Variants in RASA3 observed in about 807,000 individuals in gnomAD.
The protein encoded by RASA3 is ras GTPase-activating protein 3.
Under a neutral mutation model 110.0 loss-of-function variants are expected in RASA3, and 73 were observed. The ratio of observed to expected loss-of-function variants is 0.66; its 90% CI spans 0.55 to 0.81. The LOEUF (loss-of-function observed/expected upper bound fraction) is 0.81. Ranked by LOEUF, RASA3 falls within the 30% of genes least tolerant of loss-of-function variation. The probability of loss-of-function intolerance (pLI) is 0.00; values close to 1 mark genes in which losing one functional copy is unlikely to be tolerated. For missense variants in RASA3, 976 were observed against 1,113.2 expected (o/e 0.88, Z 1.75); for synonymous variants, 500 against 451.4 (o/e 1.11, Z -1.37).
At position 114,122,028 on chromosome 13, in the gene RASA3, G is replaced by A. The variant is rs534036064; in HGVS notation, c.55+10407C>T. ...CCTAAACTAATGAAGATTCCAGTCCGTGGGGCCCACCGCAAATCCCAGAAT... is the reference window on the plus strand; with the variant it reads ...CCTAAACTAATGAAGATTCCAGTCCATGGGGCCCACCGCAAATCCCAGAAT... On this transcript the variant is annotated intron_variant, in intron 1 of 23. Coordinates refer to ENST00000334062, the MANE Select transcript of RASA3 (RefSeq NM_007368.4). Among the ~76,000 whole-genome samples the A allele has an allele frequency of 9.2e-5, 14 of 152,352 alleles. No individual in the cohort carries two copies. The East Asian group carries it at 1.2e-3, about 13-fold the overall frequency.
intron 1 of RASA3, among the ~76,000 whole-genome samples, chr13:114,081,364 G>T (rs1479141902): frequency 1.3e-5 from 2 of 152,190 alleles, no homozygotes; most frequent in East Asian, 3.9e-4. Context: ...GTCTCCCGAT[G>T]CAGTATAACT....
chr13:114,067,831 C>T (rs1180345808), intron 2 of RASA3, among the ~76,000 whole-genome samples: 1 of 152,186 alleles, frequency 6.6e-6, no homozygotes, highest in Non-Finnish European at 1.5e-5. Context: ...GAAGACCCAG[C>T]TCTCCTCGCT....
intron 2 of RASA3, among the ~76,000 whole-genome samples, chr13:114,067,436 T>C (rs2079475042): frequency 6.6e-6 from 1 of 152,208 alleles, no homozygotes; most frequent in Admixed American, 6.5e-5. Flanking sequence ...TTTTCATGAG[T>C]CGCCTAATGT....
At chr13:114,032,811 C>CT (rs564271356) in intron 4 of RASA3, among the ~76,000 whole-genome samples, 28 of 65,080 alleles carry the variant, frequency 4.3e-4, no homozygotes, top group African/African-American at 1.3e-3. Context: ...CACCCCCACA[C>CT]TGACACCACG....
chr13:114,105,578 G>C (rs1339739908), intron 1 of RASA3, among the ~76,000 whole-genome samples: 1 of 152,154 alleles, frequency 6.6e-6, no homozygotes, highest in Admixed American at 6.5e-5. Context: ...CCTCCTGCCT[G>C]ACAAGGCCAC....
rs1350371340 is a variant in RASA3 at position 114,056,797 on chromosome 13, G to A, written c.174-4642C>T. The A allele has an allele frequency of 1.7e-6, 1 of 582,404 alleles. No homozygotes were observed. Among genetic ancestry groups the A allele is most frequent in the Non-Finnish European group, 2.2e-6 (1 of 461,516 alleles). The allele number at this position is 582,404 out of a possible 1,614,324, so 36.1% of individuals were successfully genotyped here. On this transcript the variant is annotated intron_variant, in intron 2 of 23. Coordinates refer to ENST00000334062, the MANE Select transcript of RASA3 (RefSeq NM_007368.4). This position sits in a 1 kb window ranked among gnomAD's most constrained non-coding sequence, Gnocchi z 5.7. The stretch of plus-strand genomic sequence containing the variant: ...AAAATTATCACCACAGACTGGACGT[G>A]CCCCTTTCTAAATGTAAAAGCGGTT...
At chr13:114,123,160 C>T (rs901389772) in intron 1 of RASA3, among the ~76,000 whole-genome samples, 4 of 152,198 alleles carry the variant, frequency 2.6e-5, no homozygotes, top group African/African-American at 9.6e-5. Flanking sequence ...GTGTCCTGCA[C>T]AGTCACCACC....
intron 18 of RASA3, among the ~76,000 whole-genome samples, chr13:114,001,338 T>C (rs1457907626): frequency 3.7e-5 from 4 of 108,042 alleles, no homozygotes; most frequent in Admixed American, 9.4e-5. Context: ...GGGATCAGGG[T>C]GGGCAGTGGA....
At chr13:114,016,431 G>A (rs753170336) in intron 12 of RASA3, among the ~76,000 whole-genome samples, 160 bp from the exon 13 acceptor site, 1 of 152,168 alleles carries the variant, frequency 6.6e-6, no homozygotes, top group Non-Finnish European at 1.5e-5. Flanking sequence ...GGAGGGGCAC[G>A]GTGAGGCCGG....
At chr13:114,126,679 A>T (rs1025823679) in intron 1 of RASA3, among the ~76,000 whole-genome samples, 1 of 152,248 alleles carries the variant, frequency 6.6e-6, no homozygotes, top group African/African-American at 2.4e-5. Context: ...AGTCCAGTTC[A>T]TTACAGACGA....
rs1214831976 is a variant in RASA3, at chr13:114,035,644, C to G, written c.372+5356G>C. 5 of 152,764 alleles carry G rather than the reference C, an allele frequency of 3.3e-5. No individual in the cohort carries two copies. The East Asian group carries it at 9.6e-4, about 29-fold the overall frequency. The allele number at this position is 152,764 out of a possible 1,614,324, so 9.5% of individuals were successfully genotyped here. A position where few individuals can be genotyped will look rare whatever the true frequency, so the allele number is the denominator to read the frequency against. On this transcript the variant is annotated intron_variant, in intron 4 of 23. Coordinates refer to ENST00000334062, the MANE Select transcript of RASA3 (RefSeq NM_007368.4). The stretch of plus-strand genomic sequence containing the variant: ...CACCCACCGGTTGCCGTGTCCCCCA[C>G]TGAGCGGGCAGCGGCCCAGAGAGCA...
At position 114,009,411 on chromosome 13, in the gene RASA3, C is replaced by T. The variant is rs781764588; in HGVS notation, c.1644G>A (p.Gln548=). ...CGTTCTTCACCGCATCAGCATATTTCTGCTCATTGAAGAATTCATAAAATG... is the reference window on the plus strand; with the variant it reads ...CGTTCTTCACCGCATCAGCATATTTTTGCTCATTGAAGAATTCATAAAATG... The part of the protein sequence containing the change: ...MATFYEFFNE[Q]KYADAVKNFL... The change falls in exon 17 of 24, where the codon CAG becomes CAA. Residue 548 remains glutamine (Q), a synonymous_variant. Transcript: ENST00000334062. 13 of 1,612,532 alleles carry T rather than the reference C, an allele frequency of 8.1e-6. No homozygotes were observed. The Middle Eastern group carries it at 1.2e-3, about 143-fold the overall frequency.
intron 4 of RASA3, among the ~76,000 whole-genome samples, chr13:114,032,927 C>G (rs2054200400): frequency 8.7e-6 from 1 of 114,616 alleles, no homozygotes; most frequent in Admixed American, 8.6e-5. Context: ...AGCACCCCCA[C>G]ACTTGACACC....
At chr13:114,023,403 C>T (rs1343752125) in intron 8 of RASA3, among the ~76,000 whole-genome samples, 1 of 152,196 alleles carries the variant, frequency 6.6e-6, no homozygotes, top group Non-Finnish European at 1.5e-5. Flanking sequence ...CAGGAGGGAG[C>T]CGTTTCCTTC....
At position 114,013,260 on chromosome 13, in the gene RASA3, A is replaced by G. The variant is rs1366786670; in HGVS notation, c.1406-12T>C. On this transcript the variant is annotated splice_polypyrimidine_tract_variant and intron_variant, in intron 14 of 23. Coordinates refer to ENST00000334062, the MANE Select transcript of RASA3 (RefSeq NM_007368.4). ...GACGTCCGGGTCATCTGCGGGAGAG[A>G]GAAGCAGGGTGACCGTTTTCCTCGG... 1 of 1,602,098 alleles carries G rather than the reference A, an allele frequency of 6.2e-7. No homozygotes were observed. The highest frequency in any genetic ancestry group is 2.2e-5 in the East Asian group (1 of 44,578).
intron 7 of RASA3, among the ~76,000 whole-genome samples, chr13:114,026,978 C>G (rs1236000347): frequency 6.6e-6 from 1 of 152,258 alleles, no homozygotes; most frequent in Non-Finnish European, 1.5e-5. Context: ...TCCACTGGAA[C>G]AAGCCTTCCG....
At chr13:114,122,970 C>T (rs796154441) in intron 1 of RASA3, among the ~76,000 whole-genome samples, 22 of 152,018 alleles carry the variant, frequency 1.4e-4, no homozygotes, top group Admixed American at 5.9e-4. Context: ...AGCGATTCCA[C>T]GAGCCACAAA....
chr13:114,076,649 C>A (rs1005271916), intron 1 of RASA3, among the ~76,000 whole-genome samples: 1 of 152,166 alleles, frequency 6.6e-6, no homozygotes, highest in African/African-American at 2.4e-5. Flanking sequence ...ACATGGCCGG[C>A]GAGCTTCTCC....
chr13:114,030,244 G>A (rs991384887), intron 4 of RASA3, among the ~76,000 whole-genome samples: 13 of 152,206 alleles, frequency 8.5e-5, no homozygotes, highest in African/African-American at 1.9e-4. Context: ...TGTGTCCGTC[G>A]GGACAAACCA....
Sources: allele counts gnomAD v4.1 joint callset (sites outside exome capture counted in the v4.1 genomes callset), GRCh38; gene constraint gnomAD v4.1.1; non-coding constraint Gnocchi (gnomAD v3.1); transcripts MANE v1.5; gene names NCBI Gene and HGNC (gene_info 2026-07-23, HGNC 2026-07-21).